RGS12: variants seen among roughly 807,000 people sequenced by gnomAD.
RGS12 encodes the protein regulator of G protein signaling 12, also known as regulator of G-protein signaling 12.
In RGS12, 66 loss-of-function variants were observed where a neutral mutation model predicts 120.1. The observed-to-expected ratio is 0.55, with a 90% CI of 0.45 to 0.67. The LOEUF (loss-of-function observed/expected upper bound fraction) is 0.67, where lower values mean the gene tolerates loss of function less well. RGS12 is among the 30% of genes least tolerant of loss of function. RGS12 has a pLI of 0.00. For missense variants in RGS12, 1,859 were observed against 1,957.7 expected (o/e 0.95, Z 0.95); for synonymous variants, 827 against 804.7 (o/e 1.03, Z -0.47).
chr4:3,430,027 G>A (rs909362679), intron 16 of RGS12, among the ~76,000 whole-genome samples: 7 of 152,238 alleles, frequency 4.6e-5, no homozygotes, highest in Non-Finnish European at 2.9e-5. Context: ...CCGGAGGAGG[G>A]GGCCAGTCCT....
chr4:3,370,362 A>G, intron 3 of RGS12: 2 of 1,595,746 alleles, frequency 1.3e-6, no homozygotes, highest in Non-Finnish European at 1.7e-6. Flanking sequence ...AATCAGTGGT[A>G]GGAAAGCGTG....
In RGS12 at chr4:3,390,589, C is replaced by T. The variant is rs947400369; in HGVS notation, c.2020+4152C>T. 6.6e-5 allele frequency among the ~76,000 whole-genome samples: 10 copies of T among 152,372 alleles called. No individual in the cohort carries two copies. In the East Asian group the frequency reaches 1.3e-3, roughly 21 times the overall value. ...CGCCGCCTCCTCCTGGGCTGCTCTGCGCGCCTGCCAGGCTCTTCCAGTGCC... is the reference window on the plus strand; with the variant it reads ...CGCCGCCTCCTCCTGGGCTGCTCTGTGCGCCTGCCAGGCTCTTCCAGTGCC... On this transcript the variant is annotated intron_variant, in intron 4 of 17. Coordinates refer to ENST00000336727, the MANE Select transcript of RGS12 (RefSeq NM_001394154.1). The surrounding 1 kb of genome is among the most constrained non-coding windows in gnomAD (Gnocchi z 4.6).
Position 3,428,680 on chromosome 4 carries a change from A to T in RGS12, c.3534A>T (p.Lys1178Asn), listed in dbSNP as rs754173287. The change falls in exon 16 of 18, where the codon AAA becomes AAT. Residue 1178 changes from lysine to asparagine, a missense_variant. Transcript: ENST00000336727. ...CTATTGCAAAGATTGGGAAAAAAAA[A>T]TATCAGAAAATTAATTTGGACGAAG... Reference protein sequence around the residue: ...EESIAKIGKKKYQKINLDEAE... With the variant: ...EESIAKIGKKNYQKINLDEAE... 6 of 1,594,922 alleles carry T rather than the reference A, an allele frequency of 3.8e-6. No individual in the cohort carries two copies. The highest frequency in any genetic ancestry group is 3.5e-5 in the South Asian group (3 of 86,562).
chr4:3,417,600 GGC>G, intron 9 of RGS12, 59 bp downstream of exon 9: 1 of 1,577,764 alleles, frequency 6.3e-7, no homozygotes, highest in Non-Finnish European at 8.7e-7. Context: ...TCCCCGTCCT[GGC>G]GTCGCTCTGG....
intron 3 of RGS12, among the ~76,000 whole-genome samples, chr4:3,376,498 A>G (rs1717710173): frequency 6.6e-6 from 1 of 152,046 alleles, no homozygotes; most frequent in Admixed American, 6.5e-5. Context: ...TTGCGCTGCC[A>G]CCCTGGGGGG....
chr4:3,398,531 C>T (rs1720270516), intron 4 of RGS12, among the ~76,000 whole-genome samples: 1 of 151,932 alleles, frequency 6.6e-6, no homozygotes, highest in Non-Finnish European at 1.5e-5. Flanking sequence ...GAGGATATAA[C>T]AAGCAATATT....
At chr4:3,351,483 C>T (rs1413239358) in intron 3 of RGS12, among the ~76,000 whole-genome samples, 4 of 151,926 alleles carry the variant, frequency 2.6e-5, no homozygotes, top group Non-Finnish European at 5.9e-5. Context: ...TTTACATTTC[C>T]AAAAGGTGTC....
intron 3 of RGS12, among the ~76,000 whole-genome samples, chr4:3,381,882 G>C (rs1215468046): frequency 6.6e-6 from 1 of 152,204 alleles, no homozygotes; most frequent in Non-Finnish European, 1.5e-5. Flanking sequence ...TAATTACCAT[G>C]AATCTTACTG....
chr4:3,436,528 C>CA (rs1028031038), intron 17 of RGS12, among the ~76,000 whole-genome samples: 66 of 152,250 alleles, frequency 4.3e-4, no homozygotes, highest in African/African-American at 1.5e-3. Context: ...GGAGAGGTGC[C>CA]AGGCCTGGGT....
chr4:3,420,451 T>G, intron 9 of RGS12, 191 bp from the exon 10 acceptor site: 1 of 633,318 alleles, frequency 1.6e-6, no homozygotes, highest in African/African-American at 2.0e-5. Context: ...GGTCCCTGAC[T>G]GGCTTCCAGG....
In RGS12 at chr4:3,343,055, T is replaced by C. The variant is rs1713408928; in HGVS notation, c.1998+2T>C. On this transcript the variant is annotated splice_donor_variant, in intron 3 of 17. Coordinates refer to ENST00000336727, the MANE Select transcript of RGS12 (RefSeq NM_001394154.1). LOFTEE classifies it high-confidence loss of function. Reference sequence around the variant, plus strand: ...ACTCGCTCCCTTGATGATCTTGAGGTAATTTAATTTTCATTTTTCTTCTTT... The same window carrying C: ...ACTCGCTCCCTTGATGATCTTGAGGCAATTTAATTTTCATTTTTCTTCTTT... 6.3e-7 allele frequency: 1 copy of C among 1,589,914 alleles called. No individual in the cohort carries two copies. The highest frequency in any genetic ancestry group is 8.6e-7 in the Non-Finnish European group (1 of 1,159,728).
At position 3,420,689 on chromosome 4, in the gene RGS12, T is replaced by C; in HGVS notation, c.2809T>C (p.Ser937Pro). The C allele has an allele frequency of 1.2e-6, 2 of 1,613,100 alleles. No homozygotes were observed. The highest frequency in any genetic ancestry group is 1.7e-6 in the Non-Finnish European group (2 of 1,180,024). ...GGLCRRESQG[S>P]VSSAGSLDLS... ...CCTGTGTCGCCGAGAGTCGCAGGGC[T>C]CTGTGTCCTCTGCGGGGAGCCTGGA... Residue 937 changes from serine (S) to proline (P), a missense_variant, in exon 10 of 18, where the codon TCT becomes CCT. This residue lies in a region of RGS12 where 375 missense variants were observed against 475.0 expected (regional missense o/e 0.79). Transcript: ENST00000336727.
chr4:3,328,588 C>T (rs1367070496), intron 2 of RGS12, among the ~76,000 whole-genome samples: 1 of 152,152 alleles, frequency 6.6e-6, no homozygotes, highest in Non-Finnish European at 1.5e-5. Context: ...AAATAAATGA[C>T]CTAGTCTCAG....
intron 3 of RGS12, among the ~76,000 whole-genome samples, chr4:3,347,918 A>G (rs1021620990): frequency 4.6e-5 from 7 of 152,234 alleles, no homozygotes; most frequent in South Asian, 2.1e-4. Context: ...GAACATTCCT[A>G]TAAAAACACA....
intron 17 of RGS12, among the ~76,000 whole-genome samples, chr4:3,436,509 CG>C: frequency 6.6e-6 from 1 of 152,258 alleles, no homozygotes; most frequent in African/African-American, 2.4e-5. Flanking sequence ...GCAGGAAGGG[CG>C]GGCAGTGGGA....
chr4:3,331,772 G>A (rs1464192924), intron 2 of RGS12, among the ~76,000 whole-genome samples: 1 of 152,214 alleles, frequency 6.6e-6, no homozygotes, highest in Non-Finnish European at 1.5e-5. Flanking sequence ...AGGAAGGGAG[G>A]CAGACACTGG....
At chr4:3,377,379 A>C (rs1424042601) in intron 3 of RGS12, among the ~76,000 whole-genome samples, 1 of 152,066 alleles carries the variant, frequency 6.6e-6, no homozygotes, top group Non-Finnish European at 1.5e-5. Flanking sequence ...CTGATTATTA[A>C]ATTCTTAATT....
At chr4:3,306,917 T>C (rs1332850407) in intron 1 of RGS12, among the ~76,000 whole-genome samples, 1 of 152,182 alleles carries the variant, frequency 6.6e-6, no homozygotes, top group Non-Finnish European at 1.5e-5. Context: ...TGACGGTGGA[T>C]TCCAGGTGCT....
intron 3 of RGS12, among the ~76,000 whole-genome samples, chr4:3,384,707 G>T (rs1718642807): frequency 6.6e-6 from 1 of 152,234 alleles, no homozygotes. Context: ...TTTCACTACT[G>T]GGAAGTGGGT....
Sources: allele counts gnomAD v4.1 joint callset (sites outside exome capture counted in the v4.1 genomes callset), GRCh38; gene constraint gnomAD v4.1.1; regional missense constraint gnomAD v4.1.1; non-coding constraint Gnocchi (gnomAD v3.1); transcripts MANE v1.5; gene names NCBI Gene and HGNC (gene_info 2026-07-23, HGNC 2026-07-21).